PDLIM5: variants seen among roughly 807,000 people sequenced by gnomAD.
The protein encoded by PDLIM5 is PDZ and LIM domain 5, also known as PDZ and LIM domain protein 5.
In PDLIM5, 34 loss-of-function variants were observed where a neutral mutation model predicts 64.2. The observed-to-expected ratio is 0.53, with a 90% CI of 0.40 to 0.71. The LOEUF (loss-of-function observed/expected upper bound fraction) is 0.71. PDLIM5 is among the 30% of genes least tolerant of loss of function. The pLI, the probability that PDLIM5 is intolerant of heterozygous loss-of-function variation, is 0.00. For synonymous variants in PDLIM5, 253 were observed against 269.1 expected, an observed-to-expected ratio of 0.94 and a Z score of 0.59; for missense variants, 683 against 733.6, an observed-to-expected ratio of 0.93 and a Z score of 0.80.
chr4:94,465,878 A>G (rs1724309368), intron 2 of PDLIM5, among the ~76,000 whole-genome samples: 1 of 151,908 alleles, frequency 6.6e-6, no homozygotes, highest in Non-Finnish European at 1.5e-5. Flanking sequence ...AATAGATGAC[A>G]GTTCTCACTA....
intron 2 of PDLIM5, among the ~76,000 whole-genome samples, chr4:94,474,448 A>G (rs972551718): frequency 2.0e-5 from 3 of 151,694 alleles, no homozygotes; most frequent in East Asian, 1.9e-4. Context: ...ACGGGGTTTC[A>G]CCATATTGGC....
chr4:94,640,762 A>T (rs1341656112), intron 9 of PDLIM5, among the ~76,000 whole-genome samples: 1 of 152,152 alleles, frequency 6.6e-6, no homozygotes, highest in Non-Finnish European at 1.5e-5. Context: ...ACTCAAAGGG[A>T]CCCTGAAAGT....
At chr4:94,557,497 A>C (rs1733454156) in intron 3 of PDLIM5, among the ~76,000 whole-genome samples, 1 of 152,224 alleles carries the variant, frequency 6.6e-6, no homozygotes, top group Non-Finnish European at 1.5e-5. Context: ...TACCTTGGGC[A>C]GTATGGCCAT....
intron 2 of PDLIM5, among the ~76,000 whole-genome samples, chr4:94,483,087 A>G (rs1003442300): frequency 6.6e-6 from 1 of 152,194 alleles, no homozygotes; most frequent in Non-Finnish European, 1.5e-5. Context: ...TATTATTATG[A>G]CAGAATGGTT....
At chr4:94,506,132 T>C (rs1271953667) in intron 2 of PDLIM5, among the ~76,000 whole-genome samples, 2 of 152,218 alleles carry the variant, frequency 1.3e-5, no homozygotes, top group Non-Finnish European at 2.9e-5. Context: ...GTGGACCAAA[T>C]ATGTATTTCA....
intron 2 of PDLIM5, chr4:94,456,517 CT>C (rs762571808): frequency 8.0e-5 from 57 of 710,006 alleles, no homozygotes; most frequent in South Asian, 1.2e-4. Flanking sequence ...TTATACTTTG[CT>C]TTTTTTTGCA....
intron 2 of PDLIM5, among the ~76,000 whole-genome samples, chr4:94,509,494 G>A (rs181825360): frequency 1.5e-3 from 225 of 152,198 alleles, no homozygotes; most frequent in African/African-American, 5.3e-3. Flanking sequence ...CAACAGCCTA[G>A]CACTTAGTAG....
intron 3 of PDLIM5, among the ~76,000 whole-genome samples, chr4:94,541,528 G>A (rs1682767152): frequency 1.3e-5 from 2 of 152,324 alleles, no homozygotes; most frequent in South Asian, 4.1e-4. Context: ...CCACAGATTG[G>A]CAAGGACAGT....
intron 7 of PDLIM5, among the ~76,000 whole-genome samples, chr4:94,612,235 GCAAA>G (rs1265517548): frequency 7.2e-5 from 11 of 151,806 alleles, no homozygotes; most frequent in African/African-American, 1.7e-4. Flanking sequence ...AAAAACAAAA[GCAAA>G]CAAACAAACA....
chr4:94,586,490 A>G (rs1460542033), intron 7 of PDLIM5, 46 bp downstream of exon 7: 2 of 1,142,786 alleles, frequency 1.8e-6, no homozygotes, highest in Non-Finnish European at 2.6e-6. Context: ...CCTTTCACGA[A>G]TGGTCTCAAT....
chr4:94,530,562 C>T (rs1447092935), intron 3 of PDLIM5, among the ~76,000 whole-genome samples: 1 of 138,754 alleles, frequency 7.2e-6, no homozygotes, highest in African/African-American at 3.0e-5. Context: ...TTCTACTCTT[C>T]CTTGTTTTTA....
chr4:94,568,638 T>C (rs925732853), intron 3 of PDLIM5, among the ~76,000 whole-genome samples: 1 of 150,062 alleles, frequency 6.7e-6, no homozygotes, highest in Non-Finnish European at 1.5e-5. Flanking sequence ...GGCAAATAAT[T>C]TTTTTCCCTC....
At chr4:94,577,136 T>G (rs927126433) in intron 5 of PDLIM5, 2 of 450,852 alleles carry the variant, frequency 4.4e-6, no homozygotes, top group African/African-American at 4.0e-5. Context: ...TTATCAGATT[T>G]ATTGTGACAA....
chr4:94,484,194 G>T (rs939135073), intron 2 of PDLIM5, among the ~76,000 whole-genome samples: 2 of 152,004 alleles, frequency 1.3e-5, no homozygotes, highest in Non-Finnish European at 2.9e-5. Flanking sequence ...ATTTTACAGG[G>T]GAACAAATAA....
chr4:94,638,756 A>T (rs1740772281), intron 8 of PDLIM5, among the ~76,000 whole-genome samples: 1 of 152,200 alleles, frequency 6.6e-6, no homozygotes, highest in South Asian at 2.1e-4. Context: ...GTGGCTAAGG[A>T]GCAGACCATC....
intron 8 of PDLIM5, among the ~76,000 whole-genome samples, chr4:94,621,824 A>T (rs1461076878): frequency 6.6e-6 from 1 of 152,234 alleles, no homozygotes; most frequent in Non-Finnish European, 1.5e-5. Flanking sequence ...TCTAGAAAAT[A>T]TAAATGAATT....
intron 3 of PDLIM5, among the ~76,000 whole-genome samples, chr4:94,543,141 C>T (rs182567763): frequency 6.6e-6 from 1 of 152,104 alleles, no homozygotes; most frequent in Non-Finnish European, 1.5e-5. Flanking sequence ...GTATAAATTA[C>T]CACAAACTAG....
At chr4:94,552,185 C>T (rs1008529256) in intron 3 of PDLIM5, among the ~76,000 whole-genome samples, 1 of 152,086 alleles carries the variant, frequency 6.6e-6, no homozygotes, top group African/African-American at 2.4e-5. Flanking sequence ...TTTTATGTAT[C>T]ATCACAGTTA....
intron 3 of PDLIM5, among the ~76,000 whole-genome samples, chr4:94,572,672 A>G (rs537158231): frequency 1.9e-4 from 29 of 152,260 alleles, no homozygotes; most frequent in African/African-American, 6.7e-4. Context: ...TCTCTTTTCC[A>G]CACTTATTAC....
Sources: allele counts gnomAD v4.1 joint callset (sites outside exome capture counted in the v4.1 genomes callset), GRCh38; gene constraint gnomAD v4.1.1; transcripts MANE v1.5; gene names NCBI Gene and HGNC (gene_info 2026-07-23, HGNC 2026-07-21).